The following NEMP2 variants were observed in gnomAD, a reference collection of about 807,000 sequenced individuals.
NEMP2 encodes nuclear envelope integral membrane protein 2.
Under a neutral mutation model 54.2 loss-of-function variants are expected in NEMP2, and 53 were observed. The ratio of observed to expected loss-of-function variants is 0.98; its 90% CI spans 0.78 to 1.23. NEMP2 has a LOEUF of 1.23. Ranked by LOEUF, NEMP2 falls within the 50% of genes most tolerant of loss-of-function variation. The probability of loss-of-function intolerance (pLI) is 0.00; values close to 1 mark genes in which losing one functional copy is unlikely to be tolerated. For missense variants in NEMP2, 455 were observed against 511.3 expected, an observed-to-expected ratio of 0.89 and a Z score of 1.06; for synonymous variants, 197 against 190.3, an observed-to-expected ratio of 1.04 and a Z score of -0.29.
At chr2:190,456,430 G>A in the NEMP2 span, among the ~76,000 whole-genome samples, 2 of 152,214 alleles carry the variant, frequency 1.3e-5, no homozygotes, top group African/African-American at 4.8e-5. This position sits in a 1 kb window ranked among gnomAD's most constrained non-coding sequence, Gnocchi z 5.4. Context: ...TCTTCGTTGT[G>A]AGATCTGTGG....
chr2:190,576,380 CAAT>C, the NEMP2 span, among the ~76,000 whole-genome samples: 10 of 152,106 alleles, frequency 6.6e-5, no homozygotes, highest in Non-Finnish European at 1.5e-4. Flanking sequence ...TGGTTGGAAA[CAAT>C]GATTTCTAGA....
At chr2:190,588,086 C>CT in the NEMP2 span, among the ~76,000 whole-genome samples, 1 of 152,080 alleles carries the variant, frequency 6.6e-6, no homozygotes, top group Non-Finnish European at 1.5e-5. This position sits in a 1 kb window ranked among gnomAD's most constrained non-coding sequence, Gnocchi z 5.0. Context: ...AAAAGTTGGG[C>CT]TTTTTTATAG....
chr2:190,538,639 C>T (rs1432693430), upstream of NEMP2, among the ~76,000 whole-genome samples: 2 of 151,596 alleles, frequency 1.3e-5, no homozygotes, highest in Non-Finnish European at 2.9e-5. This position sits in a 1 kb window ranked among gnomAD's most constrained non-coding sequence, Gnocchi z 4.1. Flanking sequence ...TATTCCCTGT[C>T]TTTTTGATTA....
chr2:190,443,938 G>T, the NEMP2 span, among the ~76,000 whole-genome samples: 1 of 152,136 alleles, frequency 6.6e-6, no homozygotes, highest in Non-Finnish European at 1.5e-5. This position sits in a 1 kb window ranked among gnomAD's most constrained non-coding sequence, Gnocchi z 4.2. Flanking sequence ...TGTAGTCCCA[G>T]TTACTTGGGA....
chr2:190,574,860 G>T, the NEMP2 span, among the ~76,000 whole-genome samples: 11 of 105,456 alleles, frequency 1.0e-4, no homozygotes, highest in South Asian at 3.0e-3. Context: ...TCTTTTCTTT[G>T]CTTTTCTTTG....
the NEMP2 span, among the ~76,000 whole-genome samples, chr2:190,631,898 A>T: frequency 6.6e-6 from 1 of 152,234 alleles, no homozygotes; most frequent in South Asian, 2.1e-4. Flanking sequence ...TCTACTAAAA[A>T]TACAAAAATT....
the NEMP2 span, among the ~76,000 whole-genome samples, chr2:190,627,513 T>C: frequency 6.6e-6 from 1 of 151,572 alleles, no homozygotes; most frequent in Non-Finnish European, 1.5e-5. This position sits in a 1 kb window ranked among gnomAD's most constrained non-coding sequence, Gnocchi z 4.4. Flanking sequence ...ATCTGCAGTA[T>C]TTTTGGCACT....
chr2:190,448,882 A>G, the NEMP2 span, among the ~76,000 whole-genome samples: 1 of 151,926 alleles, frequency 6.6e-6, no homozygotes, highest in Non-Finnish European at 1.5e-5. Context: ...ATAGTTTGAA[A>G]CCCATGTGTC....
chr2:190,536,537 G>T (rs1045921448), upstream of NEMP2, among the ~76,000 whole-genome samples: 1 of 152,174 alleles, frequency 6.6e-6, no homozygotes, highest in African/African-American at 2.4e-5. Context: ...CACATCTAAG[G>T]TTCAGGTGCA....
At chr2:190,613,037 G>C in the NEMP2 span, among the ~76,000 whole-genome samples, 1 of 152,174 alleles carries the variant, frequency 6.6e-6, no homozygotes, top group South Asian at 2.1e-4. Context: ...ATTTACCTAT[G>C]TTATTTATGA....
At chr2:190,433,522 A>C in the NEMP2 span, 2 of 152,342 alleles carry the variant, frequency 1.3e-5, no homozygotes, top group Non-Finnish European at 1.5e-5. This position sits in a 1 kb window ranked among gnomAD's most constrained non-coding sequence, Gnocchi z 4.5. Flanking sequence ...TTGGAAACTA[A>C]ATAGAGGTGG....
Position 190,518,718 on chromosome 2 carries a change from A to G in NEMP2, c.518+18T>C, listed in dbSNP as rs747428860. 1 of 1,506,090 alleles carries G rather than the reference A, an allele frequency of 6.6e-7. No homozygotes were observed. The highest frequency in any genetic ancestry group is 1.4e-5 in the African/African-American group (1 of 70,392). 93.3% of individuals were successfully genotyped at this position (1,506,090 alleles called of 1,614,324 possible). On this transcript the variant is annotated intron_variant, in intron 4 of 8. Transcript: ENST00000409150. Reference sequence around the variant, plus strand: ...CCTTTTCATTCACAAAGTTAAAAATATAAAAAGGAATACTTACTGACTCAG... The same window carrying G: ...CCTTTTCATTCACAAAGTTAAAAATGTAAAAAGGAATACTTACTGACTCAG...
the NEMP2 span, among the ~76,000 whole-genome samples, chr2:190,465,480 T>C: frequency 7.9e-5 from 12 of 152,174 alleles, no homozygotes; most frequent in Admixed American, 7.9e-4. The surrounding 1 kb of genome is among the most constrained non-coding windows in gnomAD (Gnocchi z 4.6). Context: ...GATTACTGAT[T>C]ATACATCAGT....
the NEMP2 span, chr2:190,436,519 C>A: frequency 7.4e-6 from 12 of 1,614,088 alleles, no homozygotes; most frequent in Admixed American, 2.0e-4. This position sits in a 1 kb window ranked among gnomAD's most constrained non-coding sequence, Gnocchi z 5.3. Context: ...ACCAAAGATT[C>A]GCCCAACAAC....
chr2:190,583,654 A>C, the NEMP2 span, among the ~76,000 whole-genome samples: 1 of 152,226 alleles, frequency 6.6e-6, no homozygotes, highest in Non-Finnish European at 1.5e-5. Flanking sequence ...GACCACACAG[A>C]AGAGCAGAAC....
Position 190,514,391 on chromosome 2 carries a change from C to T in NEMP2, c.953+62G>A, listed in dbSNP as rs1009349049. 7 of 1,389,110 alleles carry T rather than the reference C, an allele frequency of 5.0e-6. No individual in the cohort carries two copies. The highest frequency in any genetic ancestry group is 7.0e-6 in the Non-Finnish European group (7 of 1,002,122). The allele number at this position is 1,389,110 out of a possible 1,614,324, so 86.0% of individuals were successfully genotyped here. On this transcript the variant is annotated intron_variant, in intron 7 of 8. Coordinates refer to ENST00000409150, the MANE Select transcript of NEMP2 (RefSeq NM_001142645.2). The surrounding 1 kb of genome is among the most constrained non-coding windows in gnomAD (Gnocchi z 5.7). ...TTAACATGATGTGTGCAAACACTCT[C>T]CCAAATAATAAAACTAGAGCTCAAA...
At chr2:190,450,186 A>G in the NEMP2 span, among the ~76,000 whole-genome samples, 4 of 152,162 alleles carry the variant, frequency 2.6e-5, no homozygotes, top group South Asian at 6.2e-4. Flanking sequence ...TTTTTATTGT[A>G]CAAGTCAAAA....
At chr2:190,446,134 G>A in the NEMP2 span, among the ~76,000 whole-genome samples, 1 of 152,150 alleles carries the variant, frequency 6.6e-6, no homozygotes, top group Admixed American at 6.5e-5. Context: ...ACCATCAAAT[G>A]ATCTTCAGGA....
the NEMP2 span, among the ~76,000 whole-genome samples, chr2:190,435,707 G>A: frequency 6.6e-6 from 1 of 152,122 alleles, no homozygotes; most frequent in African/African-American, 2.4e-5. Context: ...TTTTCCCTGG[G>A]AATCAATGAA....
Sources: gnomAD v4.1 joint callset for allele counts (sites outside exome capture counted in the v4.1 genomes callset) on GRCh38, gnomAD v4.1.1 for gene constraint, Gnocchi (gnomAD v3.1) non-coding constraint, MANE v1.5 for transcripts, NCBI Gene and HGNC (gene_info 2026-07-23, HGNC 2026-07-21) for gene names.